KIF7: variants seen among roughly 807,000 people sequenced by gnomAD.
KIF7 encodes the protein kinesin-like protein KIF7.
In KIF7, 104 loss-of-function variants were observed where a neutral mutation model predicts 135.7. The observed-to-expected ratio is 0.77, with a 90% CI of 0.65 to 0.90. The LOEUF (loss-of-function observed/expected upper bound fraction) is 0.90, where lower values mean the gene tolerates loss of function less well. KIF7 is among the 40% of genes least tolerant of loss of function. The probability of loss-of-function intolerance (pLI) is 0.00; values close to 1 mark genes in which losing one functional copy is unlikely to be tolerated. For synonymous variants in KIF7, 883 were observed against 809.4 expected, an observed-to-expected ratio of 1.09 and a Z score of -1.54; for missense variants, 2,005 against 1,839.1, an observed-to-expected ratio of 1.09 and a Z score of -1.65.
chr15:89,660,349 C>T (rs1021833468), upstream of KIF7, among the ~76,000 whole-genome samples: 3 of 152,212 alleles, frequency 2.0e-5, no homozygotes, highest in African/African-American at 7.2e-5. Flanking sequence ...CAGATGAAAA[C>T]TATATTTCCC....
intron 1 of KIF7, among the ~76,000 whole-genome samples, chr15:89,619,083 G>C (rs1963381237): frequency 6.6e-6 from 1 of 152,162 alleles, no homozygotes; most frequent in Admixed American, 6.5e-5. Context: ...AAATTTTAAA[G>C]CACTTGGTAA....
In KIF7 at chr15:89,648,471, G is replaced by A. The variant is rs1156781974; in HGVS notation, c.1227C>T (p.Cys409=). Residue 409 remains cysteine (C), a synonymous_variant, in exon 5 of 19, where the codon TGC becomes TGT. Transcript: ENST00000394412. ...CGTCGGTGCAGGCCCGGTAGCGCGCGCACTCGGCGCCCAGGCGCATGGCGG... is the reference window on the plus strand; with the variant it reads ...CGTCGGTGCAGGCCCGGTAGCGCGCACACTCGGCGCCCAGGCGCATGGCGG... ...AAAAMRLGAE[C]ARYRACTDAA... 4.8e-6 allele frequency: 5 copies of A among 1,051,194 alleles called. No individual in the cohort carries two copies. The highest frequency in any genetic ancestry group is 1.7e-5 in the African/African-American group (1 of 57,766). 65.1% of individuals were successfully genotyped at this position (1,051,194 alleles called of 1,614,324 possible).
chr15:89,641,956 G>A (rs1343808643), intron 11 of KIF7, among the ~76,000 whole-genome samples: 1 of 152,080 alleles, frequency 6.6e-6, no homozygotes, highest in African/African-American at 2.4e-5. Flanking sequence ...TTCTTTAGAC[G>A]CCCACCCTTC....
At chr15:89,623,775 G>T (rs200586089), downstream of KIF7, 449 of 1,613,926 alleles carry the variant, frequency 2.8e-4, 1 homozygote, top group Admixed American at 1.0e-3. Flanking sequence ...CTTTTAAGGA[G>T]TCCTTAAAAG....
At chr15:89,643,041 C>T (rs1449642499) in intron 10 of KIF7, among the ~76,000 whole-genome samples, 3 of 151,620 alleles carry the variant, frequency 2.0e-5, no homozygotes, top group Non-Finnish European at 2.9e-5. Context: ...AAAGAATGAG[C>T]TAAATGACAC....
In KIF7 at chr15:89,633,691, C is replaced by G; in HGVS notation, c.2587G>C (p.Val863Leu). The G allele has an allele frequency of 6.2e-7, 1 of 1,606,850 alleles. No homozygotes were observed. Among genetic ancestry groups the G allele is most frequent in the Non-Finnish European group, 8.5e-7 (1 of 1,179,762 alleles). Residue 863 changes from valine (V) to leucine (L), a missense_variant, in exon 12 of 19, where the codon GTC (valine) becomes CTC (leucine). Val to Leu is a conservative substitution (Grantham distance 32). Coordinates refer to ENST00000394412, the MANE Select transcript of KIF7 (RefSeq NM_198525.3). Reference sequence around the variant, plus strand: ...CACCCTGCCGTGAGCCTGACCTTGACGCGGTGCTGCCGCTTGCTCATTTCT... The same window carrying G: ...CACCCTGCCGTGAGCCTGACCTTGAGGCGGTGCTGCCGCTTGCTCATTTCT... ...EAEMSKRQHR[V>L]KELELKHEQQ... is the part of the protein sequence containing the mutation.
chr15:89,656,389 A>G (rs1472059531), upstream of KIF7, among the ~76,000 whole-genome samples: 3 of 151,014 alleles, frequency 2.0e-5, no homozygotes, highest in South Asian at 6.2e-4. Flanking sequence ...AACTTCAGAC[A>G]CAAAACGTCC....
chr15:89,625,717 A>G (rs1375306934), downstream of KIF7: 2 of 1,613,416 alleles, frequency 1.2e-6, no homozygotes. Flanking sequence ...TAGTAAGAGT[A>G]AAGAGGGGTC....
chr15:89,623,068 CACT>C (rs376946161), downstream of KIF7, among the ~76,000 whole-genome samples: 1 of 152,224 alleles, frequency 6.6e-6, no homozygotes, highest in South Asian at 2.1e-4. Context: ...TGGAGCTTTT[CACT>C]ACGTATTTTT....
intron 16 of KIF7, 121 bp downstream of exon 16, chr15:89,630,166 G>T: frequency 2.2e-6 from 2 of 909,498 alleles, no homozygotes; most frequent in Non-Finnish European, 3.5e-6. Context: ...CAGATGAGTT[G>T]GTCCTGATTC....
At chr15:89,618,860 G>A (rs1963377681) in intron 1 of KIF7, among the ~76,000 whole-genome samples, 1 of 152,254 alleles carries the variant, frequency 6.6e-6, no homozygotes, top group South Asian at 2.1e-4. Flanking sequence ...TCGGGAGGCT[G>A]AGGTGAGAGG....
intron 12 of KIF7, 141 bp from the exon 13 acceptor site, chr15:89,633,407 A>G (rs554345414): frequency 5.1e-6 from 6 of 1,172,080 alleles, no homozygotes; most frequent in Non-Finnish European, 7.3e-6. Flanking sequence ...ATCCCACACA[A>G]ATCTCCCTGG....
Position 89,633,122 on chromosome 15 carries a change from G to T in KIF7, c.2718+19C>A. Reference sequence around the variant, plus strand: ...CAGCCCCCAGGGGAGCCCTGGGTGCGGACACAGCCTGGCCCCACCTGCTGC... The same window carrying T: ...CAGCCCCCAGGGGAGCCCTGGGTGCTGACACAGCCTGGCCCCACCTGCTGC... On this transcript the variant is annotated intron_variant, in intron 13 of 18. Coordinates refer to ENST00000394412, the MANE Select transcript of KIF7 (RefSeq NM_198525.3). The T allele has an allele frequency of 6.2e-7, 1 of 1,601,628 alleles. No individual in the cohort carries two copies. The highest frequency in any genetic ancestry group is 1.1e-5 in the South Asian group (1 of 90,954).
At chr15:89,626,594 G>GC (rs1963532023), downstream of KIF7, among the ~76,000 whole-genome samples, 3 of 152,136 alleles carry the variant, frequency 2.0e-5, no homozygotes, top group Non-Finnish European at 4.4e-5. Context: ...AAGGGGGAGT[G>GC]CAGGAGGAGG....
At chr15:89,625,398 C>A (rs201595810), downstream of KIF7, 13 of 1,613,750 alleles carry the variant, frequency 8.1e-6, no homozygotes, top group African/African-American at 2.7e-5. Flanking sequence ...GCTGTGGCGC[C>A]GGCTCCTCTT....
At chr15:89,635,542 G>T (rs950314576) in intron 11 of KIF7, among the ~76,000 whole-genome samples, 1 of 152,204 alleles carries the variant, frequency 6.6e-6, no homozygotes, top group Non-Finnish European at 1.5e-5. Flanking sequence ...AGAAGCCTCA[G>T]GAGCTGATGC....
At chr15:89,632,184 C>G (rs1963694218) in intron 14 of KIF7, among the ~76,000 whole-genome samples, 1 of 152,214 alleles carries the variant, frequency 6.6e-6, no homozygotes, top group South Asian at 2.1e-4. Context: ...GAGCAAGGCT[C>G]CTGGCCTCTG....
At chr15:89,646,714 C>T in intron 7 of KIF7, 116 bp downstream of exon 7, 1 of 956,038 alleles carries the variant, frequency 1.0e-6, no homozygotes, top group Non-Finnish European at 1.7e-6. Flanking sequence ...TCGCATCTCA[C>T]AGCCAGTCCC....
rs563157720 is a variant in KIF7 at position 89,628,278 on chromosome 15, T to G, written c.*141A>C. The G allele has an allele frequency of 4.6e-6, 5 of 1,078,278 alleles. No homozygotes were observed. In the African/African-American group the frequency reaches 4.7e-5, roughly 10 times the overall value. The allele number at this position is 1,078,278 out of a possible 1,614,324, so 66.8% of individuals were successfully genotyped here. ...AGTTCTTTTGGGCCATGGCCCAAAT[T>G]TGTTGATCCCAGTGAGGGTACAGAT... On this transcript the variant is annotated 3_prime_UTR_variant, in exon 19 of 19. Coordinates refer to ENST00000394412, the MANE Select transcript of KIF7 (RefSeq NM_198525.3).
Sources: allele counts gnomAD v4.1 joint callset (sites outside exome capture counted in the v4.1 genomes callset), GRCh38; gene constraint gnomAD v4.1.1; transcripts MANE v1.5; gene names NCBI Gene and HGNC (gene_info 2026-07-23, HGNC 2026-07-21).